The following HK2 variants were observed in gnomAD, a reference collection of about 807,000 sequenced individuals.
The protein encoded by HK2 is hexokinase 2.
Under a neutral mutation model 92.9 loss-of-function variants are expected in HK2, and 42 were observed. The observed-to-expected ratio is 0.45, with a 90% CI of 0.35 to 0.58. The LOEUF (loss-of-function observed/expected upper bound fraction) is 0.58, where lower values mean the gene tolerates loss of function less well. Among genes scored for constraint, HK2 ranks in the 20% least tolerant of loss-of-function variants. The pLI is 0.00. For missense variants in HK2, 978 were observed against 1,245.1 expected (o/e 0.79, Z 3.23); for synonymous variants, 422 against 468.0 (o/e 0.90, Z 1.27).
Position 74,887,921 on chromosome 2 carries a change from T to C in HK2, c.2238T>C (p.Ser746=), listed in dbSNP as rs1573393131. 1 of 1,613,990 alleles carries C rather than the reference T, an allele frequency of 6.2e-7. No individual in the cohort carries two copies. Among genetic ancestry groups the C allele is most frequent in the Non-Finnish European group, 8.5e-7 (1 of 1,180,010 alleles). The stretch of plus-strand genomic sequence containing the variant: ...ATTGCAGGTTCGAGAAAATGATCAG[T>C]GGAATGTACCTGGGTGAGATTGTCC... ...PGKQRFEKMI[S]GMYLGEIVRN... is the part of the protein sequence containing the mutation. Residue 746 remains serine, a synonymous_variant, in exon 16 of 18, where the codon AGT becomes AGC. Transcript: ENST00000290573.
chr2:74,891,068 C>G lies in HK2; in HGVS notation c.*127C>G. 4.4e-6 allele frequency: 5 copies of G among 1,125,714 alleles called. No individual in the cohort carries two copies. The highest frequency in any genetic ancestry group is 6.4e-6 in the Non-Finnish European group (5 of 776,932). The allele number at this position is 1,125,714 out of a possible 1,614,324, so 69.7% of individuals were successfully genotyped here. On this transcript the variant is annotated 3_prime_UTR_variant, in exon 18 of 18. Transcript: ENST00000290573. Reference sequence around the variant, plus strand: ...GCTTGGCAGAGAGGACCCCACTGGACTGGGTTTTGTCTCTGCATCTCATTG... The same window carrying G: ...GCTTGGCAGAGAGGACCCCACTGGAGTGGGTTTTGTCTCTGCATCTCATTG...
intron 16 of HK2, among the ~76,000 whole-genome samples, chr2:74,888,632 A>G (rs1299096910): frequency 6.6e-6 from 1 of 152,226 alleles, no homozygotes; most frequent in Non-Finnish European, 1.5e-5. Context: ...GGAACTAGAC[A>G]ACTGATGTGA....
At chr2:74,867,893 A>G in intron 3 of HK2, 109 bp downstream of exon 3, 2 of 1,261,186 alleles carry the variant, frequency 1.6e-6, no homozygotes, top group East Asian at 2.3e-5. Flanking sequence ...GTCACCCAAG[A>G]CACTCATGGA....
intron 8 of HK2, among the ~76,000 whole-genome samples, chr2:74,878,191 T>C (rs1253278546): frequency 1.3e-5 from 2 of 152,122 alleles, no homozygotes; most frequent in Non-Finnish European, 2.9e-5. Context: ...TGAAATGCAA[T>C]AGACTCCTAC....
At chr2:74,870,118 C>T (rs1348852830) in intron 3 of HK2, among the ~76,000 whole-genome samples, 13 of 151,596 alleles carry the variant, frequency 8.6e-5, no homozygotes, top group Non-Finnish European at 1.3e-4. Flanking sequence ...AAGCGATTCT[C>T]CTTCCTCAGC....
intron 1 of HK2, among the ~76,000 whole-genome samples, chr2:74,849,402 A>C (rs1688515271): frequency 6.6e-6 from 1 of 152,146 alleles, no homozygotes; most frequent in East Asian, 1.9e-4. Context: ...ATCTCTGTCT[A>C]ACACGCCCTC....
At chr2:74,889,150 C>G in intron 16 of HK2, 95 bp from the exon 17 acceptor site, 6 of 1,033,386 alleles carry the variant, frequency 5.8e-6, no homozygotes, top group Non-Finnish European at 8.9e-6. Context: ...TAGACCCCCA[C>G]AGAGCCTCCC....
chr2:74,883,764 A>AT (rs1182253483), intron 12 of HK2, among the ~76,000 whole-genome samples: 1 of 152,232 alleles, frequency 6.6e-6, no homozygotes, highest in Non-Finnish European at 1.5e-5. Context: ...ATGTGGACAA[A>AT]TTCTTATGTA....
intron 1 of HK2, among the ~76,000 whole-genome samples, chr2:74,839,037 T>A (rs139466262): frequency 2.2e-4 from 33 of 152,312 alleles, no homozygotes; most frequent in African/African-American, 6.7e-4. Context: ...TGTAGATTCC[T>A]TGTTGTATGA....
At chr2:74,861,473 G>A (rs187054849) in intron 2 of HK2, among the ~76,000 whole-genome samples, 14 of 151,662 alleles carry the variant, frequency 9.2e-5, no homozygotes, top group Non-Finnish European at 1.5e-5. Context: ...CACCCATGGT[G>A]TCTGTACTAG....
At chr2:74,839,807 A>T (rs1688259106) in intron 1 of HK2, among the ~76,000 whole-genome samples, 1 of 149,512 alleles carries the variant, frequency 6.7e-6, no homozygotes. Context: ...ACAGGTGCGC[A>T]CCACCATGCC....
chr2:74,866,190 C>G (rs139421799), intron 2 of HK2, among the ~76,000 whole-genome samples: 2 of 152,216 alleles, frequency 1.3e-5, no homozygotes, highest in African/African-American at 2.4e-5. Context: ...TGACTTTTCT[C>G]AGGGCCTAAG....
chr2:74,847,250 C>A (rs564672906), intron 1 of HK2, among the ~76,000 whole-genome samples: 1 of 152,354 alleles, frequency 6.6e-6, no homozygotes, highest in South Asian at 2.1e-4. Context: ...CCTGCAGACA[C>A]AAGTGATGAA....
In HK2 at chr2:74,893,320, CTAT is replaced by C. The variant is rs1207434968; in HGVS notation, c.*2385_*2387del. ...AGTTTAATTAACTATGTGATGTTAA[CTAT>C]TATTAATAAATTTTAACATTTTCCA... On this transcript the variant is annotated 3_prime_UTR_variant, in exon 18 of 18. Coordinates refer to ENST00000290573, the MANE Select transcript of HK2 (RefSeq NM_000189.5). 2 of 152,164 alleles carry C rather than the reference CTAT, an allele frequency of 1.3e-5. No homozygotes were observed. Among genetic ancestry groups the C allele is most frequent in the Admixed American group, 6.6e-5 (1 of 15,266 alleles). The allele number at this position is 152,164 out of a possible 1,614,324, so 9.4% of individuals were successfully genotyped here.
At chr2:74,844,580 G>A (rs1688393696) in intron 1 of HK2, among the ~76,000 whole-genome samples, 1 of 152,232 alleles carries the variant, frequency 6.6e-6, no homozygotes, top group Admixed American at 6.5e-5. Flanking sequence ...AGACCCAGAG[G>A]TATTTGATCC....
At chr2:74,854,114 G>T (rs1477890668) in intron 1 of HK2, among the ~76,000 whole-genome samples, 179 bp from the exon 2 acceptor site, 4 of 145,602 alleles carry the variant, frequency 2.7e-5, no homozygotes, top group East Asian at 4.0e-4. Flanking sequence ...TAATTTTTTG[G>T]TTTTTTTTTT....
chr2:74,839,987 ACTCT>A (rs1688265088), intron 1 of HK2, among the ~76,000 whole-genome samples: 1 of 91,320 alleles, frequency 1.1e-5, no homozygotes, highest in Non-Finnish European at 2.0e-5. Flanking sequence ...ATGGAGTCTC[ACTCT>A]GTCGCCCAGG....
rs1314252557 is a variant in HK2 at position 74,892,243 on chromosome 2, CTT to C, written c.*1308_*1309del. On this transcript the variant is annotated 3_prime_UTR_variant, in exon 18 of 18. Transcript: ENST00000290573. ...AAGATAAAGGAAGTCACCAAAATTT[CTT>C]TTTTTAAATTGTATCTAATCCTCAA... The C allele has an allele frequency of 6.6e-6, 1 of 152,158 alleles. No homozygotes were observed. Among genetic ancestry groups the C allele is most frequent in the East Asian group, 1.9e-4 (1 of 5,200 alleles). The allele number at this position is 152,158 out of a possible 1,614,324, so 9.4% of individuals were successfully genotyped here. A position where few individuals can be genotyped will look rare whatever the true frequency, so the allele number is the denominator to read the frequency against.
At chr2:74,889,900 A>T (rs1689634910) in intron 17 of HK2, among the ~76,000 whole-genome samples, 1 of 152,214 alleles carries the variant, frequency 6.6e-6, no homozygotes, top group African/African-American at 2.4e-5. Flanking sequence ...GCATTGAAGT[A>T]TACAGTTGGT....
Sources: gnomAD v4.1 joint callset for allele counts (sites outside exome capture counted in the v4.1 genomes callset) on GRCh38, gnomAD v4.1.1 for gene constraint, MANE v1.5 for transcripts, NCBI Gene and HGNC (gene_info 2026-07-23, HGNC 2026-07-21) for gene names.